The following FRMD4A variants were observed in gnomAD, a reference collection of about 807,000 sequenced individuals.
FRMD4A encodes the protein FERM domain containing 4A, also known as FERM domain-containing protein 4A.
In FRMD4A, 29 loss-of-function variants were observed where a neutral mutation model predicts 129.1. The observed-to-expected ratio is 0.22, with a 90% CI of 0.17 to 0.31. The LOEUF (loss-of-function observed/expected upper bound fraction) is 0.31. FRMD4A is among the 10% of genes least tolerant of loss of function. The pLI is 1.00. For synonymous variants in FRMD4A, 634 were observed against 571.6 expected, an observed-to-expected ratio of 1.11 and a Z score of -1.56; for missense variants, 1,272 against 1,375.8, an observed-to-expected ratio of 0.92 and a Z score of 1.19.
chr10:14,264,061 A>G (rs1201305741), intron 2 of FRMD4A, among the ~76,000 whole-genome samples: 1 of 152,168 alleles, frequency 6.6e-6, no homozygotes, highest in African/African-American at 2.4e-5. Context: ...ACGAAAACTA[A>G]TGACTGCAAT....
chr10:14,008,797 G>A (rs1448218106), intron 2 of FRMD4A, among the ~76,000 whole-genome samples: 1 of 152,110 alleles, frequency 6.6e-6, no homozygotes, highest in Non-Finnish European at 1.5e-5. Flanking sequence ...CTATAAAACT[G>A]AGCATCAGAC....
At chr10:14,283,099 T>G (rs1377308323) in intron 2 of FRMD4A, among the ~76,000 whole-genome samples, 3 of 152,232 alleles carry the variant, frequency 2.0e-5, no homozygotes, top group African/African-American at 4.8e-5. Flanking sequence ...GGCATCAGCC[T>G]GAAGCTTAAA....
At chr10:13,931,606 C>T (rs1264883148) in intron 2 of FRMD4A, among the ~76,000 whole-genome samples, 3 of 152,076 alleles carry the variant, frequency 2.0e-5, no homozygotes, top group East Asian at 1.9e-4. Context: ...GCACATCTCA[C>T]GTGGGGTGTA....
At chr10:13,698,145 T>G (rs1390030185) in intron 14 of FRMD4A, among the ~76,000 whole-genome samples, 3 of 151,952 alleles carry the variant, frequency 2.0e-5, no homozygotes, top group African/African-American at 4.8e-5. Context: ...TTAAATGATT[T>G]GCACAGTGAC....
chr10:13,900,338 T>C (rs1337008023), intron 2 of FRMD4A, among the ~76,000 whole-genome samples: 2 of 152,170 alleles, frequency 1.3e-5, no homozygotes, highest in Non-Finnish European at 2.9e-5. Flanking sequence ...TTACATTAGA[T>C]AGTTGGTTAT....
At chr10:14,216,430 G>A (rs900027013) in intron 2 of FRMD4A, among the ~76,000 whole-genome samples, 10 of 152,122 alleles carry the variant, frequency 6.6e-5, no homozygotes, top group African/African-American at 2.4e-4. Context: ...CAATTCTTTG[G>A]GAGTCTGAGG....
At chr10:14,005,699 A>G in intron 2 of FRMD4A, among the ~76,000 whole-genome samples, 1 of 152,214 alleles carries the variant, frequency 6.6e-6, no homozygotes, top group East Asian at 1.9e-4. Context: ...AGCAAACACG[A>G]AACATGATCC....
In FRMD4A at chr10:14,146,936, T is replaced by C. The variant is rs1840104370; in HGVS notation, c.45+183122A>G. Among the ~76,000 whole-genome samples the C allele has an allele frequency of 2.0e-5, 3 of 152,256 alleles. No individual in the cohort carries two copies. The South Asian group carries it at 6.2e-4, about 32-fold the overall frequency. ...TAATTACAGCAAATATCATCATCTA[T>C]TTGCTTCATTTCCTCCTCACATTTG... is the stretch of plus-strand genomic sequence containing the variant. On this transcript the variant is annotated intron_variant, in intron 2 of 24. Coordinates refer to ENST00000357447, the MANE Select transcript of FRMD4A (RefSeq NM_018027.5).
intron 2 of FRMD4A, among the ~76,000 whole-genome samples, chr10:14,250,164 T>A (rs1210161732): frequency 6.6e-6 from 1 of 152,194 alleles, no homozygotes; most frequent in Non-Finnish European, 1.5e-5. Flanking sequence ...TTTCACTATG[T>A]TGGCCAGGTT....
chr10:13,932,799 A>G (rs1038346626), intron 2 of FRMD4A, among the ~76,000 whole-genome samples: 3 of 152,096 alleles, frequency 2.0e-5, no homozygotes, highest in Admixed American at 6.6e-5. Flanking sequence ...CAATAACCCA[A>G]TGTGGGTTAT....
chr10:13,867,942 T>G, intron 2 of FRMD4A, among the ~76,000 whole-genome samples: 1 of 143,842 alleles, frequency 7.0e-6, no homozygotes, highest in East Asian at 2.0e-4. Context: ...ATATATATAA[T>G]AAATACTATA....
At chr10:13,680,241 G>A (rs965931460) in intron 15 of FRMD4A, among the ~76,000 whole-genome samples, 3 of 152,244 alleles carry the variant, frequency 2.0e-5, no homozygotes, top group African/African-American at 7.2e-5. Flanking sequence ...AGCATCCCTT[G>A]AAGCCAGGAG....
rs182114122 is a variant in FRMD4A, at chr10:13,721,870, T to C, written c.760-14757A>G. 1.6e-3 allele frequency among the ~76,000 whole-genome samples: 240 copies of C among 152,290 alleles called. 3 individuals carry two copies. Among genetic ancestry groups the C allele is most frequent in the South Asian group, 0.011 (53 of 4,822 alleles). ...AAATACACATGTGCATGCCTAAAAA[T>C]ACACACACACATACAGAGGAAATTC... On this transcript the variant is annotated intron_variant, in intron 12 of 24. Transcript: ENST00000357447.
intron 12 of FRMD4A, among the ~76,000 whole-genome samples, chr10:13,722,300 T>C (rs1466588474): frequency 6.7e-6 from 1 of 149,234 alleles, no homozygotes; most frequent in Non-Finnish European, 1.5e-5. Context: ...GATGCGATCA[T>C]AGCTCACTGC....
At position 13,822,376 on chromosome 10, in the gene FRMD4A, G is replaced by A. The variant is rs546923613; in HGVS notation, c.112-11468C>T. On this transcript the variant is annotated intron_variant, in intron 3 of 24. Coordinates refer to ENST00000357447, the MANE Select transcript of FRMD4A (RefSeq NM_018027.5). ...ATAACAGCCTCTCCTGAAGTCAAAA[G>A]CCAAGCCACCTTTTCTAAATGCAAT... Among the ~76,000 whole-genome samples the A allele has an allele frequency of 2.6e-5, 4 of 152,292 alleles. No homozygotes were observed. The South Asian group carries it at 8.3e-4, about 32-fold the overall frequency.
chr10:13,683,135 C>T (rs1054981687), intron 15 of FRMD4A, among the ~76,000 whole-genome samples: 4 of 152,196 alleles, frequency 2.6e-5, no homozygotes, highest in Admixed American at 1.3e-4. Flanking sequence ...TCTCCTGCCT[C>T]AGCCTCCCAT....
chr10:13,760,172 C>G (rs1452330332), intron 8 of FRMD4A, among the ~76,000 whole-genome samples: 3 of 152,050 alleles, frequency 2.0e-5, no homozygotes, highest in African/African-American at 7.3e-5. Context: ...TGCTTTTGCA[C>G]TTAGGAAGAG....
chr10:14,224,149 T>G (rs1843359043), intron 2 of FRMD4A, among the ~76,000 whole-genome samples: 1 of 152,168 alleles, frequency 6.6e-6, no homozygotes. Flanking sequence ...AATCCGTGCC[T>G]CTTCTCTGCC....
chr10:13,943,216 C>T (rs1187932117), intron 2 of FRMD4A, among the ~76,000 whole-genome samples: 3 of 152,176 alleles, frequency 2.0e-5, no homozygotes, highest in Non-Finnish European at 4.4e-5. Context: ...TGGACATCTC[C>T]TATTCCAGTG....
Sources: allele counts gnomAD v4.1 joint callset (sites outside exome capture counted in the v4.1 genomes callset), GRCh38; gene constraint gnomAD v4.1.1; transcripts MANE v1.5; gene names NCBI Gene and HGNC (gene_info 2026-07-23, HGNC 2026-07-21).